The following CNTNAP2 variants were observed in gnomAD, a reference collection of about 807,000 sequenced individuals.
CNTNAP2 encodes the protein contactin-associated protein-like 2.
In CNTNAP2, 98 loss-of-function variants were observed where a neutral mutation model predicts 155.2. That is an observed-to-expected ratio of 0.63 (90% CI 0.54 to 0.75). CNTNAP2 has a LOEUF of 0.75. Ranked by LOEUF, CNTNAP2 falls within the 30% of genes least tolerant of loss-of-function variation. CNTNAP2 has a pLI of 0.00. For synonymous variants in CNTNAP2, 651 were observed against 631.2 expected (o/e 1.03, Z -0.47); for missense variants, 1,727 against 1,688.1 (o/e 1.02, Z -0.40).
At chr7:147,353,398 T>C (rs560609500) in intron 9 of CNTNAP2, among the ~76,000 whole-genome samples, 1 of 151,976 alleles carries the variant, frequency 6.6e-6, no homozygotes, top group Non-Finnish European at 1.5e-5. Flanking sequence ...ACATGTGGTG[T>C]TGGTTTTCTG....
intron 15 of CNTNAP2, among the ~76,000 whole-genome samples, chr7:148,104,353 G>A (rs550738874): frequency 1.8e-4 from 28 of 152,244 alleles, no homozygotes; most frequent in South Asian, 1.2e-3. Context: ...TTTCACATCC[G>A]TCATTCTGCT....
At chr7:146,773,764 G>A (rs1802338845) in intron 1 of CNTNAP2, among the ~76,000 whole-genome samples, 1 of 152,126 alleles carries the variant, frequency 6.6e-6, no homozygotes, top group Admixed American at 6.5e-5. Flanking sequence ...TCATCTAGAG[G>A]TATAATATTT....
chr7:146,537,581 G>T (rs1468985213), intron 1 of CNTNAP2, among the ~76,000 whole-genome samples: 4 of 152,074 alleles, frequency 2.6e-5, no homozygotes, highest in African/African-American at 9.7e-5. Context: ...AAGGGAGGTG[G>T]GAAGCTCTTC....
At chr7:147,789,270 A>G (rs865775655) in intron 13 of CNTNAP2, among the ~76,000 whole-genome samples, 1 of 152,082 alleles carries the variant, frequency 6.6e-6, no homozygotes, top group Non-Finnish European at 1.5e-5. Context: ...GACCTACCCT[A>G]TATCTAACTT....
chr7:148,309,745 A>G (rs1185951694), intron 21 of CNTNAP2, among the ~76,000 whole-genome samples: 1 of 152,178 alleles, frequency 6.6e-6, no homozygotes, highest in African/African-American at 2.4e-5. Flanking sequence ...GTCATGAGTT[A>G]AGGCAGGAAC....
At chr7:147,808,009 T>C (rs1798121328) in intron 13 of CNTNAP2, among the ~76,000 whole-genome samples, 1 of 152,142 alleles carries the variant, frequency 6.6e-6, no homozygotes, top group African/African-American at 2.4e-5. Context: ...TAAAAAGTAG[T>C]TTGAGACTTC....
intron 16 of CNTNAP2, among the ~76,000 whole-genome samples, chr7:148,132,238 A>G (rs1011371659): frequency 2.0e-5 from 3 of 152,226 alleles, no homozygotes; most frequent in African/African-American, 7.2e-5. Context: ...TTTAATAGCA[A>G]TCAAGTAGGA....
At chr7:146,867,422 T>C (rs1417314960) in intron 3 of CNTNAP2, among the ~76,000 whole-genome samples, 5 of 152,158 alleles carry the variant, frequency 3.3e-5, no homozygotes, top group Non-Finnish European at 5.9e-5. Flanking sequence ...AATTTGTCAT[T>C]GATGGGAATT....
At chr7:146,679,592 T>A (rs1028877336) in intron 1 of CNTNAP2, among the ~76,000 whole-genome samples, 16 of 152,054 alleles carry the variant, frequency 1.1e-4, no homozygotes, top group African/African-American at 3.9e-4. Flanking sequence ...CCTGACCTCA[T>A]GATCCGCCTG....
chr7:148,043,383 A>G (rs1158516745), intron 15 of CNTNAP2, among the ~76,000 whole-genome samples: 2 of 152,184 alleles, frequency 1.3e-5, no homozygotes, highest in African/African-American at 4.8e-5. Context: ...GATATACGAA[A>G]CACACAGGAG....
intron 1 of CNTNAP2, among the ~76,000 whole-genome samples, chr7:146,467,808 T>C (rs1435871437): frequency 6.6e-6 from 1 of 152,174 alleles, no homozygotes; most frequent in Non-Finnish European, 1.5e-5. Flanking sequence ...AAATTATTGA[T>C]TACTTAGCAC....
At chr7:146,979,383 G>A in intron 3 of CNTNAP2, among the ~76,000 whole-genome samples, 1 of 152,030 alleles carries the variant, frequency 6.6e-6, no homozygotes, top group South Asian at 2.1e-4. Flanking sequence ...ATCTTTATAT[G>A]GCTGGCTCCT....
intron 1 of CNTNAP2, among the ~76,000 whole-genome samples, chr7:146,368,108 C>T (rs1424185351): frequency 3.9e-5 from 6 of 152,244 alleles, no homozygotes; most frequent in Admixed American, 3.9e-4. Context: ...ATGCCCTTTT[C>T]CCTCCTCAGC....
intron 12 of CNTNAP2, among the ~76,000 whole-genome samples, chr7:147,616,835 T>C (rs1427416073): frequency 6.6e-6 from 1 of 152,228 alleles, no homozygotes; most frequent in Non-Finnish European, 1.5e-5. Context: ...AGAACTCAGA[T>C]AAATGGTAAG....
intron 3 of CNTNAP2, among the ~76,000 whole-genome samples, chr7:146,851,648 TTCTGTGTGTGTG>T (rs1262378693): frequency 7.5e-6 from 1 of 133,912 alleles, no homozygotes; most frequent in Non-Finnish European, 1.6e-5. Context: ...ATCATCTTTC[TTCTGTGTGTGTG>T]TGTGTGTGTG....
intron 1 of CNTNAP2, among the ~76,000 whole-genome samples, chr7:146,573,366 C>T (rs1798472587): frequency 6.6e-6 from 1 of 152,112 alleles, no homozygotes; most frequent in Admixed American, 6.5e-5. Flanking sequence ...TGGTCTTGAT[C>T]TCCTGACCTC....
intron 4 of CNTNAP2, among the ~76,000 whole-genome samples, chr7:147,086,066 T>C (rs961906341): frequency 3.9e-5 from 6 of 152,186 alleles, no homozygotes; most frequent in African/African-American, 1.4e-4. Context: ...CTACCGCAGC[T>C]TCCAAGAGAA....
chr7:146,852,352 C>T (rs140945407), intron 3 of CNTNAP2, among the ~76,000 whole-genome samples: 293 of 152,184 alleles, frequency 1.9e-3, no homozygotes, highest in African/African-American at 4.5e-3. Context: ...TTGAATCAAA[C>T]GACTACTTAT....
At chr7:148,384,422 A>C (rs1799144787) in intron 22 of CNTNAP2, among the ~76,000 whole-genome samples, 2 of 152,256 alleles carry the variant, frequency 1.3e-5, no homozygotes, top group African/African-American at 4.8e-5. Context: ...TTGAAAGCAC[A>C]GGGCTCAAAT....
Sources: allele counts gnomAD v4.1 joint callset (sites outside exome capture counted in the v4.1 genomes callset), GRCh38; gene constraint gnomAD v4.1.1; transcripts MANE v1.5; gene names NCBI Gene and HGNC (gene_info 2026-07-23, HGNC 2026-07-21).